CYSLTR2: variants seen among roughly 807,000 people sequenced by gnomAD.
The protein encoded by CYSLTR2 is G-protein coupled receptor GPCR21.
For synonymous variants in CYSLTR2, 179 were observed against 160.8 expected (o/e 1.11, Z -0.86); for missense variants, 398 against 411.9 (o/e 0.97, Z 0.29).
intron 1 of CYSLTR2, among the ~76,000 whole-genome samples, chr13:48,673,502 G>C (rs1180480237): frequency 9.9e-6 from 1 of 100,758 alleles, no homozygotes; most frequent in Non-Finnish European, 1.9e-5. Context: ...CCTTTAGTTT[G>C]AGCCTATGTG....
At chr13:48,684,294 G>C (rs768944031) in intron 1 of CYSLTR2, among the ~76,000 whole-genome samples, 1 of 151,874 alleles carries the variant, frequency 6.6e-6, no homozygotes, top group Non-Finnish European at 1.5e-5. Flanking sequence ...GTAAAGGAGT[G>C]GGGTAATCTT....
chr13:48,675,689 G>A (rs549225127), intron 1 of CYSLTR2, among the ~76,000 whole-genome samples: 1 of 152,056 alleles, frequency 6.6e-6, no homozygotes, highest in African/African-American at 2.4e-5. Flanking sequence ...AGGCTCCACC[G>A]AGGCATAGCA....
chr13:48,695,067 C>CTTTTTTT (rs1278951741), intron 3 of CYSLTR2, among the ~76,000 whole-genome samples: 9 of 83,688 alleles, frequency 1.1e-4, no homozygotes, highest in South Asian at 4.2e-4. Flanking sequence ...CAGAACCTGG[C>CTTTTTTT]ATTTTTTTTT....
intron 4 of CYSLTR2, among the ~76,000 whole-genome samples, chr13:48,698,009 G>A (rs1954239255): frequency 6.6e-6 from 1 of 152,086 alleles, no homozygotes; most frequent in Non-Finnish European, 1.5e-5. Context: ...CAAGAAATAT[G>A]GGAGGACTAT....
chr13:48,691,706 C>T (rs917479214), intron 2 of CYSLTR2, among the ~76,000 whole-genome samples: 2 of 151,944 alleles, frequency 1.3e-5, no homozygotes, highest in Non-Finnish European at 2.9e-5. Flanking sequence ...GGTTGCTAAT[C>T]GAGAATCTTG....
In CYSLTR2 at chr13:48,709,237, C is replaced by G. The variant is rs149666125; in HGVS notation, c.*1379C>G. 6.0e-6 allele frequency: 1 copy of G among 167,092 alleles called. No individual in the cohort carries two copies. Among genetic ancestry groups the G allele is most frequent in the Admixed American group, 6.5e-5 (1 of 15,286 alleles). The allele number at this position is 167,092 out of a possible 1,614,324, so 10.4% of individuals were successfully genotyped here. ...TGTCCTTTCCTACCAATTTCCTCCC[C>G]CTCCTCACTCTCACAAGAAAACCAA... On this transcript the variant is annotated 3_prime_UTR_variant, in exon 5 of 5. Transcript: ENST00000682523.
intron 4 of CYSLTR2, among the ~76,000 whole-genome samples, chr13:48,704,055 G>A (rs529181972): frequency 2.0e-5 from 3 of 152,106 alleles, no homozygotes; most frequent in African/African-American, 7.2e-5. Context: ...GATGCCTCAG[G>A]TATCTATCGA....
chr13:48,667,583 G>A (rs889057044), intron 1 of CYSLTR2, among the ~76,000 whole-genome samples: 8 of 152,160 alleles, frequency 5.3e-5, no homozygotes, highest in African/African-American at 1.7e-4. Flanking sequence ...TTTCAGGACT[G>A]TTATATGGGT....
At position 48,692,434 on chromosome 13, in the gene CYSLTR2, A is replaced by G. The variant is rs561590493; in HGVS notation, c.-175-1004A>G. On this transcript the variant is annotated intron_variant, in intron 2 of 4. Transcript: ENST00000682523. ...TGTAACATTCTACAGTACAGAATTT[A>G]TTAATATGGCTTTACATGTATGCAT... is the stretch of plus-strand genomic sequence containing the variant. Among the ~76,000 whole-genome samples, 112 of 152,024 alleles carry G rather than the reference A, an allele frequency of 7.4e-4. 1 individual carries two copies. Among genetic ancestry groups the G allele is most frequent in the Non-Finnish European group, 1.5e-5 (1 of 67,842 alleles).
intron 1 of CYSLTR2, among the ~76,000 whole-genome samples, chr13:48,671,636 C>T (rs150116969): frequency 3.9e-5 from 6 of 152,288 alleles, no homozygotes; most frequent in African/African-American, 7.2e-5. Context: ...CCAACTTGAT[C>T]GTGGTGGATA....
intron 1 of CYSLTR2, among the ~76,000 whole-genome samples, chr13:48,688,865 C>T (rs1298595382): frequency 6.6e-6 from 1 of 152,168 alleles, no homozygotes; most frequent in Non-Finnish European, 1.5e-5. Flanking sequence ...CTAATTTACA[C>T]TCCCACCAAC....
chr13:48,655,794 G>T (rs923162810), intron 1 of CYSLTR2, among the ~76,000 whole-genome samples: 13 of 152,188 alleles, frequency 8.5e-5, no homozygotes, highest in Admixed American at 5.9e-4. Flanking sequence ...GAGAACATAG[G>T]ATCTTTCCCA....
At chr13:48,672,946 T>C (rs1953481998) in intron 1 of CYSLTR2, among the ~76,000 whole-genome samples, 1 of 152,162 alleles carries the variant, frequency 6.6e-6, no homozygotes, top group Non-Finnish European at 1.5e-5. Flanking sequence ...TGAGTTCTAG[T>C]AGATTGCAAT....
intron 1 of CYSLTR2, among the ~76,000 whole-genome samples, chr13:48,662,518 T>C (rs539180381): frequency 2.6e-5 from 4 of 152,290 alleles, no homozygotes; most frequent in African/African-American, 9.6e-5. Flanking sequence ...CCAACATTTG[T>C]TTTTTCATCT....
rs189839419 is a variant in CYSLTR2, at chr13:48,687,930, C to G, written c.-265-3282C>G. Reference sequence around the variant, plus strand: ...AATTACAACAGGAATTTGCCTTTTTCTTTATTTGGTCGTGGTTGTGGGGGT... The same window carrying G: ...AATTACAACAGGAATTTGCCTTTTTGTTTATTTGGTCGTGGTTGTGGGGGT... On this transcript the variant is annotated intron_variant, in intron 1 of 4. Coordinates refer to ENST00000682523, the MANE Select transcript of CYSLTR2 (RefSeq NM_001308476.3). Among the ~76,000 whole-genome samples the G allele has an allele frequency of 3.9e-5, 6 of 152,232 alleles. No homozygotes were observed. In the East Asian group the frequency reaches 1.2e-3, roughly 29 times the overall value.
chr13:48,667,227 T>C (rs1315370584), intron 1 of CYSLTR2, among the ~76,000 whole-genome samples: 1 of 152,220 alleles, frequency 6.6e-6, no homozygotes, highest in Admixed American at 6.5e-5. Flanking sequence ...TTTGTAGTGA[T>C]AGCCAGATGT....
At chr13:48,681,653 T>G (rs559602429) in intron 1 of CYSLTR2, among the ~76,000 whole-genome samples, 1 of 152,252 alleles carries the variant, frequency 6.6e-6, no homozygotes, top group African/African-American at 2.4e-5. Flanking sequence ...CCTGCCGGAT[T>G]TCATGCCCTA....
At chr13:48,663,355 CT>C (rs1555255054) in intron 1 of CYSLTR2, among the ~76,000 whole-genome samples, 1 of 151,840 alleles carries the variant, frequency 6.6e-6, no homozygotes, top group Non-Finnish European at 1.5e-5. Context: ...AAGTTTAGAA[CT>C]TTTTTCTATT....
At chr13:48,692,810 T>A (rs185102685) in intron 2 of CYSLTR2, among the ~76,000 whole-genome samples, 2 of 151,536 alleles carry the variant, frequency 1.3e-5, no homozygotes, top group East Asian at 1.9e-4. Context: ...TTAAACAGTT[T>A]CAATATATAA....
Sources: gnomAD v4.1 joint callset for allele counts (sites outside exome capture counted in the v4.1 genomes callset) on GRCh38, gnomAD v4.1.1 for gene constraint, MANE v1.5 for transcripts, NCBI Gene and HGNC (gene_info 2026-07-23, HGNC 2026-07-21) for gene names.